KDM2B: variants seen among roughly 807,000 people sequenced by gnomAD.
KDM2B encodes the protein lysine-specific demethylase 2B.
In KDM2B, 26 loss-of-function variants were observed where a neutral mutation model predicts 150.0. The observed-to-expected ratio is 0.17, with a 90% CI of 0.13 to 0.24. The LOEUF (loss-of-function observed/expected upper bound fraction) is 0.24. Among genes scored for constraint, KDM2B ranks in the 10% least tolerant of loss-of-function variants. KDM2B has a pLI of 1.00. For synonymous variants in KDM2B, 734 were observed against 729.5 expected, an observed-to-expected ratio of 1.01 and a Z score of -0.10; for missense variants, 1,265 against 1,816.9, an observed-to-expected ratio of 0.70 and a Z score of 5.52.
At chr12:121,469,368 C>T (rs1254734811) in intron 12 of KDM2B, 1 of 148,452 alleles carries the variant, frequency 6.7e-6, no homozygotes, top group African/African-American at 2.5e-5. Flanking sequence ...GTAATCCCAG[C>T]ACTTTTGGGA....
intron 12 of KDM2B, among the ~76,000 whole-genome samples, chr12:121,487,099 C>T (rs543286697): frequency 3.9e-5 from 6 of 152,270 alleles, no homozygotes; most frequent in African/African-American, 1.4e-4. Flanking sequence ...ATGATCACAC[C>T]ACTTGTACTC....
At chr12:121,534,171 A>C (rs1887897443) in intron 7 of KDM2B, among the ~76,000 whole-genome samples, 1 of 152,142 alleles carries the variant, frequency 6.6e-6, no homozygotes, top group Non-Finnish European at 1.5e-5. Context: ...AACACGGTGA[A>C]ACCCCGTCTC....
intron 1 of KDM2B, chr12:121,579,989 G>GAAAAAAAAAA: frequency 8.3e-7 from 1 of 1,208,350 alleles, no homozygotes; most frequent in African/African-American, 2.3e-5. Flanking sequence ...TACAGATTTG[G>GAAAAAAAAAA]AAAAAAAAAA....
chr12:121,484,460 C>T (rs1478801717), intron 12 of KDM2B, among the ~76,000 whole-genome samples: 4 of 152,126 alleles, frequency 2.6e-5, no homozygotes, highest in Non-Finnish European at 2.9e-5. Context: ...GGAGAGTCTA[C>T]GGCACAGCGA....
the KDM2B span, chr12:121,420,717 A>G: frequency 6.2e-7 from 1 of 1,614,208 alleles, no homozygotes; most frequent in Non-Finnish European, 8.5e-7. Context: ...GTTGTGAAAA[A>G]TGGGAACTGG....
At chr12:121,443,421 C>G (rs909694485) in intron 17 of KDM2B, 1 of 583,630 alleles carries the variant, frequency 1.7e-6, no homozygotes, top group African/African-American at 1.9e-5. Flanking sequence ...GGTGACAGCA[C>G]GGCCCGTGGG....
At chr12:121,445,552 C>T (rs782712412) in intron 13 of KDM2B, 134 bp from the exon 14 acceptor site, 48 of 769,662 alleles carry the variant, frequency 6.2e-5, no homozygotes, top group Non-Finnish European at 8.1e-5. Context: ...CAGGCACATT[C>T]GCTCACTCAT....
chr12:121,463,725 GC>G (rs1478406268), intron 12 of KDM2B, among the ~76,000 whole-genome samples: 5 of 152,114 alleles, frequency 3.3e-5, no homozygotes, highest in Non-Finnish European at 1.5e-5. Flanking sequence ...GACTACAGGT[GC>G]ATGACACCAT....
chr12:121,450,079 G>C (rs1876961426), intron 13 of KDM2B, among the ~76,000 whole-genome samples: 1 of 152,156 alleles, frequency 6.6e-6, no homozygotes, highest in African/African-American at 2.4e-5. Flanking sequence ...GGGAGGCCAA[G>C]GCGGGAGGGT....
chr12:121,411,199 AT>A, the KDM2B span, among the ~76,000 whole-genome samples: 6 of 152,174 alleles, frequency 3.9e-5, no homozygotes, highest in Admixed American at 1.3e-4. Context: ...AAGTGCTGGG[AT>A]TACAGGTGTG....
intron 12 of KDM2B, among the ~76,000 whole-genome samples, chr12:121,484,059 T>C (rs1882466985): frequency 6.6e-6 from 1 of 151,976 alleles, no homozygotes; most frequent in South Asian, 2.1e-4. Context: ...ATGGAAACAC[T>C]CAACCTGCAA....
chr12:121,439,505 G>A (rs1041732725), intron 22 of KDM2B, among the ~76,000 whole-genome samples: 9 of 150,192 alleles, frequency 6.0e-5, no homozygotes, highest in African/African-American at 1.2e-4. Context: ...TCAGCCTCCC[G>A]AGTAGCTGGG....
rs1555295266 is a variant in KDM2B, at chr12:121,468,211, T to G, written c.1735-14867A>C. 1 of 151,838 alleles carries G rather than the reference T, an allele frequency of 6.6e-6. No individual in the cohort carries two copies. Among genetic ancestry groups the G allele is most frequent in the South Asian group, 2.1e-4 (1 of 4,816 alleles). 9.4% of individuals were successfully genotyped at this position (151,838 alleles called of 1,614,324 possible). On this transcript the variant is annotated intron_variant, in intron 12 of 22. Transcript: ENST00000377071. This position sits in a 1 kb window ranked among gnomAD's most constrained non-coding sequence, Gnocchi z 4.0. ...CTGCCCCTTAGGCTGGCTGGGGAGG[T>G]GTGGGTTTCTGAATTCTTAAGCTGC...
At chr12:121,551,607 TAGTGG>T (rs1889502327) in intron 4 of KDM2B, among the ~76,000 whole-genome samples, 1 of 152,090 alleles carries the variant, frequency 6.6e-6, no homozygotes, top group Non-Finnish European at 1.5e-5. Context: ...GGTTGGAGTA[TAGTGG>T]CACAATCTCA....
At position 121,476,414 on chromosome 12, in the gene KDM2B, C is replaced by T. The variant is rs182342816; in HGVS notation, c.1734+18165G>A. Among the ~76,000 whole-genome samples, 20 of 152,028 alleles carry T rather than the reference C, an allele frequency of 1.3e-4. No individual in the cohort carries two copies. The East Asian group carries it at 3.9e-3, about 29-fold the overall frequency. The stretch of plus-strand genomic sequence containing the variant: ...CAGGCTGCAGTGAGCTATGATCACG[C>T]CACTGCACTCCACCCTGGGTGACCG... On this transcript the variant is annotated intron_variant, in intron 12 of 22. Coordinates refer to ENST00000377071, the MANE Select transcript of KDM2B (RefSeq NM_032590.5).
chr12:121,559,803 T>C (rs1187487079), intron 4 of KDM2B, among the ~76,000 whole-genome samples: 1 of 150,970 alleles, frequency 6.6e-6, no homozygotes, highest in African/African-American at 2.4e-5. Flanking sequence ...CTCGGAAGGC[T>C]GAGGCAGGAG....
chr12:121,450,056 A>G (rs782242116), intron 13 of KDM2B, among the ~76,000 whole-genome samples: 2 of 152,216 alleles, frequency 1.3e-5, no homozygotes, highest in African/African-American at 2.4e-5. Context: ...ATGCACTGTA[A>G]TCCCAGCACT....
the KDM2B span, among the ~76,000 whole-genome samples, chr12:121,414,575 C>T: frequency 6.6e-6 from 1 of 152,150 alleles, no homozygotes; most frequent in Non-Finnish European, 1.5e-5. Context: ...TAGCAAATAG[C>T]CCTTACGCCT....
chr12:121,453,381 A>G lies in KDM2B; in HGVS notation c.1735-37T>C. 6.7e-7 allele frequency: 1 copy of G among 1,493,760 alleles called. No individual in the cohort carries two copies. Among genetic ancestry groups the G allele is most frequent in the Non-Finnish European group, 9.0e-7 (1 of 1,106,344 alleles). 92.5% of individuals were successfully genotyped at this position (1,493,760 alleles called of 1,614,324 possible). On this transcript the variant is annotated intron_variant, in intron 12 of 22. Transcript: ENST00000377071. The surrounding 1 kb of genome is among the most constrained non-coding windows in gnomAD (Gnocchi z 6.4). ...CAGACACGACTGGTCAGATGGGGAG[A>G]CTGCAGGCACGGCCAGACCCCCGGA...
Sources: gnomAD v4.1 joint callset for allele counts (sites outside exome capture counted in the v4.1 genomes callset) on GRCh38, gnomAD v4.1.1 for gene constraint, Gnocchi (gnomAD v3.1) non-coding constraint, MANE v1.5 for transcripts, NCBI Gene and HGNC (gene_info 2026-07-23, HGNC 2026-07-21) for gene names.